Variants in CLSTN2 observed in about 807,000 individuals in gnomAD.
CLSTN2 encodes the protein calsyntenin 2.
In CLSTN2, 48 loss-of-function variants were observed where a neutral mutation model predicts 101.2. That is an observed-to-expected ratio of 0.47 (90% confidence interval 0.38 to 0.60). CLSTN2 has a LOEUF of 0.60. Ranked by LOEUF, CLSTN2 falls within the 20% of genes least tolerant of loss-of-function variation. The pLI, the probability that CLSTN2 is intolerant of heterozygous loss-of-function variation, is 0.00. For missense variants in CLSTN2, 1,160 were observed against 1,238.2 expected (o/e 0.94, Z 0.95); for synonymous variants, 481 against 463.6 (o/e 1.04, Z -0.48).
chr3:140,489,737 C>T (rs1384300801), intron 8 of CLSTN2, among the ~76,000 whole-genome samples: 1 of 151,774 alleles, frequency 6.6e-6, no homozygotes, highest in Non-Finnish European at 1.5e-5. Context: ...GTTCACAGGC[C>T]CTTGCTATGC....
At chr3:140,098,983 G>A (rs1287883416) in intron 1 of CLSTN2, among the ~76,000 whole-genome samples, 1 of 152,200 alleles carries the variant, frequency 6.6e-6, no homozygotes, top group East Asian at 1.9e-4. Context: ...GGACATGGGA[G>A]GTGGTGAGAG....
At chr3:140,266,857 C>T (rs1037035211) in intron 2 of CLSTN2, among the ~76,000 whole-genome samples, 1 of 152,208 alleles carries the variant, frequency 6.6e-6, no homozygotes, top group Non-Finnish European at 1.5e-5. Context: ...GGCTACATGG[C>T]AAGCACGAAA....
intron 4 of CLSTN2, among the ~76,000 whole-genome samples, chr3:140,420,572 G>A (rs1427927207): frequency 2.6e-5 from 4 of 152,266 alleles, no homozygotes; most frequent in Admixed American, 6.5e-5. Flanking sequence ...TCTTCGGGGC[G>A]AAAAGTGTGT....
intron 1 of CLSTN2, among the ~76,000 whole-genome samples, chr3:140,135,610 A>T (rs901858599): frequency 6.6e-6 from 1 of 152,196 alleles, no homozygotes; most frequent in African/African-American, 2.4e-5. Flanking sequence ...TGGACAGCTC[A>T]TGGCAGTCTG....
At chr3:140,497,646 C>T (rs1295613614) in intron 8 of CLSTN2, among the ~76,000 whole-genome samples, 1 of 152,204 alleles carries the variant, frequency 6.6e-6, no homozygotes, top group East Asian at 1.9e-4. Context: ...AACGACACTT[C>T]TCAGCTCCCT....
At chr3:140,165,426 G>A (rs73868789) in intron 1 of CLSTN2, among the ~76,000 whole-genome samples, 3,061 of 152,302 alleles carry the variant, frequency 0.02, 107 homozygotes, top group African/African-American at 0.068. Context: ...TTAGAATGGT[G>A]CCTCCCGGTC....
At position 140,447,079 on chromosome 3, in the gene CLSTN2, G is replaced by A. The variant is rs528587406; in HGVS notation, c.788-1440G>A. Among the ~76,000 whole-genome samples, 6 of 152,338 alleles carry A rather than the reference G, an allele frequency of 3.9e-5. No individual in the cohort carries two copies. The South Asian group carries it at 1.2e-3, about 32-fold the overall frequency. On this transcript the variant is annotated intron_variant, in intron 5 of 16. Coordinates refer to ENST00000458420, the MANE Select transcript of CLSTN2 (RefSeq NM_022131.3). Reference sequence around the variant, plus strand: ...ACCATGGTGGCTCCAGTGGCCCATTGGGAACTGAGTAGCCTTCTGGTAACT... The same window carrying A: ...ACCATGGTGGCTCCAGTGGCCCATTAGGAACTGAGTAGCCTTCTGGTAACT...
At chr3:140,503,847 C>A (rs1934631313) in intron 8 of CLSTN2, among the ~76,000 whole-genome samples, 1 of 152,160 alleles carries the variant, frequency 6.6e-6, no homozygotes, top group Non-Finnish European at 1.5e-5. Flanking sequence ...GGACCTAGGA[C>A]CCACAGTATG....
At chr3:140,004,011 G>A (rs1447950197) in intron 1 of CLSTN2, among the ~76,000 whole-genome samples, 1 of 152,098 alleles carries the variant, frequency 6.6e-6, no homozygotes, top group Non-Finnish European at 1.5e-5. Context: ...CATATAAAAT[G>A]TTATGGAGGT....
At chr3:140,544,809 G>A (rs1935556331) in intron 9 of CLSTN2, among the ~76,000 whole-genome samples, 1 of 152,028 alleles carries the variant, frequency 6.6e-6, no homozygotes, top group Non-Finnish European at 1.5e-5. Context: ...GGGGATCATG[G>A]AGGGCTTCCA....
At chr3:140,232,801 T>G (rs2086381842) in intron 2 of CLSTN2, among the ~76,000 whole-genome samples, 1 of 152,126 alleles carries the variant, frequency 6.6e-6, no homozygotes. Flanking sequence ...ACCATTGACA[T>G]CTCAATATTG....
chr3:140,505,249 C>T (rs1306983627), intron 8 of CLSTN2, among the ~76,000 whole-genome samples: 1 of 152,168 alleles, frequency 6.6e-6, no homozygotes. Flanking sequence ...ATGTTCATGG[C>T]ATGACCCCAC....
chr3:140,256,914 G>T (rs913703232), intron 2 of CLSTN2, among the ~76,000 whole-genome samples: 57 of 152,166 alleles, frequency 3.7e-4, no homozygotes, highest in African/African-American at 1.3e-3. Context: ...CTAGGCACTT[G>T]TTTGCTCTAT....
intron 2 of CLSTN2, among the ~76,000 whole-genome samples, chr3:140,216,371 G>T (rs1460815217): frequency 6.6e-6 from 1 of 152,188 alleles, no homozygotes; most frequent in Admixed American, 6.5e-5. Context: ...AGGAAGTACA[G>T]CACTAACGTG....
Position 140,528,406 on chromosome 3 carries a change from C to A in CLSTN2, c.1345-3918C>A, listed in dbSNP as rs557262649. Among the ~76,000 whole-genome samples the A allele has an allele frequency of 2.0e-5, 3 of 152,312 alleles. No individual in the cohort carries two copies. The East Asian group carries it at 5.8e-4, about 29-fold the overall frequency. On this transcript the variant is annotated intron_variant, in intron 8 of 16. Transcript: ENST00000458420. Reference sequence around the variant, plus strand: ...GCCTGACAACCCCAAACTCTGTCATCCTCATCTACCTCAACAGGGTTAACA... The same window carrying A: ...GCCTGACAACCCCAAACTCTGTCATACTCATCTACCTCAACAGGGTTAACA...
intron 2 of CLSTN2, among the ~76,000 whole-genome samples, chr3:140,231,387 C>T (rs1300910316): frequency 3.3e-5 from 5 of 151,864 alleles, no homozygotes; most frequent in Non-Finnish European, 7.4e-5. Flanking sequence ...ATTGAAAAAC[C>T]GGTTTAAAAA....
chr3:140,347,277 A>C (rs950042914), intron 2 of CLSTN2, among the ~76,000 whole-genome samples: 3 of 152,230 alleles, frequency 2.0e-5, no homozygotes. Context: ...AACAGAGGTT[A>C]GGTCATTTCC....
intron 1 of CLSTN2, among the ~76,000 whole-genome samples, chr3:139,964,143 A>G (rs1318148582): frequency 6.6e-6 from 1 of 152,212 alleles, no homozygotes; most frequent in Non-Finnish European, 1.5e-5. Flanking sequence ...ATTAGTATTT[A>G]TATTCTAACA....
intron 2 of CLSTN2, among the ~76,000 whole-genome samples, chr3:140,221,562 A>T (rs961643692): frequency 6.6e-6 from 1 of 152,204 alleles, no homozygotes; most frequent in Non-Finnish European, 1.5e-5. Context: ...AATGGGAGAA[A>T]ATTATTTGCA....
Sources: allele counts gnomAD v4.1 joint callset (sites outside exome capture counted in the v4.1 genomes callset), GRCh38; gene constraint gnomAD v4.1.1; transcripts MANE v1.5; gene names NCBI Gene and HGNC (gene_info 2026-07-23, HGNC 2026-07-21).